The following PPP2R2B variants were observed in gnomAD, a reference collection of about 807,000 sequenced individuals.
PPP2R2B encodes protein phosphatase 2 regulatory subunit Bbeta, also known as serine/threonine-protein phosphatase 2A 55 kDa regulatory subunit B beta isoform.
In PPP2R2B, 5 loss-of-function variants were observed where a neutral mutation model predicts 46.0. That is an observed-to-expected ratio of 0.11 (90% CI 0.06 to 0.23). PPP2R2B has a LOEUF of 0.23. Ranked by LOEUF, PPP2R2B falls within the 10% of genes least tolerant of loss-of-function variation. PPP2R2B has a pLI of 1.00. For missense variants in PPP2R2B, 367 were observed against 575.0 expected (o/e 0.64, Z 3.70); for synonymous variants, 215 against 206.7 (o/e 1.04, Z -0.34).
intron 1 of PPP2R2B, among the ~76,000 whole-genome samples, chr5:147,043,520 T>A (rs1043192587): frequency 6.6e-6 from 1 of 152,124 alleles, no homozygotes; most frequent in Non-Finnish European, 1.5e-5. Flanking sequence ...CCTCCAGAAC[T>A]GTGAGAAAAT....
At chr5:146,872,819 G>A (rs2151413006) in intron 2 of PPP2R2B, among the ~76,000 whole-genome samples, 1 of 152,224 alleles carries the variant, frequency 6.6e-6, no homozygotes, top group African/African-American at 2.4e-5. Context: ...ATTCTATTGT[G>A]AGGTACTTTT....
chr5:146,997,772 C>T (rs1010154065), intron 1 of PPP2R2B, among the ~76,000 whole-genome samples: 2 of 152,062 alleles, frequency 1.3e-5, no homozygotes, highest in Non-Finnish European at 2.9e-5. Flanking sequence ...TTCCACAAAA[C>T]CTAGCAACAT....
chr5:146,895,457 G>A (rs73796035), intron 1 of PPP2R2B, among the ~76,000 whole-genome samples: 2,515 of 152,104 alleles, frequency 0.017, 71 homozygotes, highest in African/African-American at 0.057. Flanking sequence ...ATTCACTATT[G>A]GATTCCCAGT....
exon 1 of PPP2R2B, chr5:147,081,293 T>A (rs930911669): frequency 3.9e-6 from 6 of 1,535,358 alleles, no homozygotes; most frequent in African/African-American, 2.7e-5. Flanking sequence ...CCCTAGTGAG[T>A]CCTGAGAGGA....
chr5:146,708,835 A>C (rs1384071280), intron 2 of PPP2R2B, among the ~76,000 whole-genome samples: 1 of 152,204 alleles, frequency 6.6e-6, no homozygotes, highest in Non-Finnish European at 1.5e-5. Flanking sequence ...GCCAACCTGC[A>C]TCCAAGCTAC....
intron 6 of PPP2R2B, among the ~76,000 whole-genome samples, chr5:146,643,341 CT>C (rs968858793): frequency 1.3e-5 from 2 of 151,812 alleles, no homozygotes; most frequent in East Asian, 2.0e-4. Context: ...CCAAGCCCCC[CT>C]GATCCATGGA....
chr5:146,649,578 G>A (rs1775815782), intron 6 of PPP2R2B, among the ~76,000 whole-genome samples: 1 of 151,982 alleles, frequency 6.6e-6, no homozygotes, highest in Non-Finnish European at 1.5e-5. Context: ...CCAAGTAACT[G>A]GGACTACAGG....
At chr5:146,962,698 T>C (rs184327214) in intron 1 of PPP2R2B, among the ~76,000 whole-genome samples, 1 of 152,016 alleles carries the variant, frequency 6.6e-6, no homozygotes, top group African/African-American at 2.4e-5. Context: ...CCAATACCAA[T>C]TGATGACCCA....
chr5:146,914,246 G>A (rs531185765), intron 1 of PPP2R2B: 16 of 152,116 alleles, frequency 1.1e-4, no homozygotes, highest in Admixed American at 2.6e-4. Flanking sequence ...TTCTTTTCCC[G>A]TTAAAGAAGA....
intron 2 of PPP2R2B, among the ~76,000 whole-genome samples, chr5:146,708,409 G>GTGTGTGTGTGTGTGTA (rs1780019722): frequency 2.2e-5 from 1 of 45,630 alleles, no homozygotes; most frequent in Admixed American, 2.3e-4. Context: ...GTGTGTGTAT[G>GTGTGTGTGTGTGTGTA]TGTGTGTGTG....
chr5:146,795,681 A>G (rs1483529950), intron 2 of PPP2R2B, among the ~76,000 whole-genome samples: 1 of 152,180 alleles, frequency 6.6e-6, no homozygotes, highest in Non-Finnish European at 1.5e-5. Context: ...AGAAAAAACC[A>G]CAAAACATAA....
intron 4 of PPP2R2B, among the ~76,000 whole-genome samples, chr5:146,697,545 A>G (rs1363948350): frequency 6.6e-6 from 1 of 152,222 alleles, no homozygotes; most frequent in Non-Finnish European, 1.5e-5. Context: ...AATTTTTGTC[A>G]GAGAGACACA....
intron 2 of PPP2R2B, among the ~76,000 whole-genome samples, chr5:147,072,054 C>T (rs1319210408): frequency 6.6e-6 from 1 of 152,122 alleles, no homozygotes; most frequent in Non-Finnish European, 1.5e-5. Flanking sequence ...GGAAGATGAG[C>T]AGTAAAAAAA....
intron 2 of PPP2R2B, among the ~76,000 whole-genome samples, chr5:146,763,644 CA>C (rs1754297633): frequency 6.6e-6 from 1 of 152,200 alleles, no homozygotes; most frequent in African/African-American, 2.4e-5. Flanking sequence ...AGGTTTCCCA[CA>C]GTTCTGTTAA....
rs535408533 is a variant in PPP2R2B at position 146,748,410 on chromosome 5, T to C, written c.71-47268A>G. 1.3e-4 allele frequency among the ~76,000 whole-genome samples: 20 copies of C among 152,320 alleles called. No individual in the cohort carries two copies. In the South Asian group the frequency reaches 2.1e-3, roughly 16 times the overall value. ...ACTATATCACAGCCAGGATCTGACA[T>C]TGATACAGTGGAGATACAGACAATT... On this transcript the variant is annotated intron_variant, in intron 2 of 9. Transcript: ENST00000394411.
In PPP2R2B at chr5:146,631,227, G is replaced by A. The variant is rs1013422676; in HGVS notation, c.790+7024C>T. 3.9e-5 allele frequency among the ~76,000 whole-genome samples: 6 copies of A among 152,144 alleles called. No homozygotes were observed. The East Asian group carries it at 7.7e-4, about 20-fold the overall frequency. ...TCTCCACCCTGGAGGTAAGGCACCC[G>A]GTGGGGCTCTTCAGTCATTCATCAA... On this transcript the variant is annotated intron_variant, in intron 7 of 9. Transcript: ENST00000394411.
chr5:146,877,683 C>A (rs537852432), intron 2 of PPP2R2B, among the ~76,000 whole-genome samples: 6 of 152,228 alleles, frequency 3.9e-5, no homozygotes, highest in African/African-American at 1.4e-4. Context: ...AAGACCCCTG[C>A]GAACATCTCG....
chr5:146,949,601 G>C (rs1764590444), intron 1 of PPP2R2B, among the ~76,000 whole-genome samples: 1 of 152,066 alleles, frequency 6.6e-6, no homozygotes, highest in Non-Finnish European at 1.5e-5. Flanking sequence ...AGGTAGAACA[G>C]TATGTAGATT....
chr5:146,628,934 C>G (rs566109279), intron 7 of PPP2R2B, among the ~76,000 whole-genome samples: 2 of 152,160 alleles, frequency 1.3e-5, no homozygotes, highest in Non-Finnish European at 2.9e-5. Flanking sequence ...GCTCACTTCC[C>G]TGGTAGCTCA....
Sources: gnomAD v4.1 joint callset for allele counts (sites outside exome capture counted in the v4.1 genomes callset) on GRCh38, gnomAD v4.1.1 for gene constraint, MANE v1.5 for transcripts, NCBI Gene and HGNC (gene_info 2026-07-23, HGNC 2026-07-21) for gene names.